GRIK1: variants seen among roughly 807,000 people sequenced by gnomAD.
GRIK1 encodes glutamate receptor ionotropic, kainate 1.
In GRIK1, 69 loss-of-function variants were observed where a neutral mutation model predicts 105.7. The observed-to-expected ratio is 0.65, with a 90% CI of 0.54 to 0.80. The LOEUF (loss-of-function observed/expected upper bound fraction) is 0.80, where lower values mean the gene tolerates loss of function less well. Ranked by LOEUF, GRIK1 falls within the 30% of genes least tolerant of loss-of-function variation. The probability of loss-of-function intolerance (pLI) is 0.00; values close to 1 mark genes in which losing one functional copy is unlikely to be tolerated. For synonymous variants in GRIK1, 438 were observed against 431.3 expected (o/e 1.02, Z -0.19); for missense variants, 1,109 against 1,167.3 (o/e 0.95, Z 0.73).
intron 1 of GRIK1, among the ~76,000 whole-genome samples, chr21:29,894,395 T>C (rs1417347698): frequency 6.6e-6 from 1 of 151,860 alleles, no homozygotes; most frequent in Admixed American, 6.6e-5. Flanking sequence ...GCTGAAGAAA[T>C]TGGAGTCTGA....
intron 1 of GRIK1, among the ~76,000 whole-genome samples, chr21:29,743,266 A>G (rs1047662464): frequency 6.6e-6 from 1 of 152,228 alleles, no homozygotes; most frequent in Non-Finnish European, 1.5e-5. Flanking sequence ...CTCATGCTTT[A>G]AAAAATTTCA....
chr21:29,888,165 C>CTT (rs1427987197), intron 1 of GRIK1, among the ~76,000 whole-genome samples: 5 of 4,482 alleles, frequency 1.1e-3, no homozygotes, highest in Non-Finnish European at 4.4e-3. Flanking sequence ...TTTCTTTTTT[C>CTT]TTTCTTTCTT....
chr21:29,721,910 A>G (rs571855327), intron 1 of GRIK1, among the ~76,000 whole-genome samples: 2 of 152,298 alleles, frequency 1.3e-5, no homozygotes, highest in Admixed American at 6.5e-5. Context: ...AAGGAATGCA[A>G]TAGACAAAGC....
intron 1 of GRIK1, among the ~76,000 whole-genome samples, chr21:29,817,474 G>A (rs1263369848): frequency 6.6e-6 from 1 of 152,026 alleles, no homozygotes; most frequent in East Asian, 1.9e-4. Flanking sequence ...CTTGCAAGAG[G>A]TAGAACATAC....
intron 1 of GRIK1, among the ~76,000 whole-genome samples, chr21:29,898,533 T>C (rs932368500): frequency 1.3e-5 from 2 of 152,298 alleles, no homozygotes. Context: ...GAAACCAAAG[T>C]AGAAGATTCC....
chr21:29,816,434 T>A (rs2067156702), intron 1 of GRIK1, among the ~76,000 whole-genome samples: 1 of 152,110 alleles, frequency 6.6e-6, no homozygotes, highest in Non-Finnish European at 1.5e-5. Context: ...AATCCATCAA[T>A]CTCACTACCA....
In GRIK1 at chr21:29,593,304, C is replaced by A. The variant is rs560073899; in HGVS notation, c.1252-2079G>T. On this transcript the variant is annotated intron_variant, in intron 9 of 17. Transcript: ENST00000327783. ...AGCTGTACTCTTAATAACCATCCAA[C>A]GTTTCCAGGATCTAGTGTGATAAAT... 5.3e-5 allele frequency among the ~76,000 whole-genome samples: 8 copies of A among 152,112 alleles called. No individual in the cohort carries two copies. In the South Asian group the frequency reaches 1.0e-3, roughly 20 times the overall value.
intron 7 of GRIK1, among the ~76,000 whole-genome samples, chr21:29,629,104 G>C (rs1385747875): frequency 6.6e-6 from 1 of 152,044 alleles, no homozygotes; most frequent in Non-Finnish European, 1.5e-5. Flanking sequence ...TGGAGAGGTA[G>C]ACACATAGAA....
chr21:29,812,893 A>G (rs1000832133), intron 1 of GRIK1, among the ~76,000 whole-genome samples: 7 of 152,196 alleles, frequency 4.6e-5, no homozygotes, highest in Admixed American at 3.3e-4. Flanking sequence ...TAAGCATTTC[A>G]TTCTTTGCAA....
At chr21:29,908,548 C>A (rs905230606) in intron 1 of GRIK1, among the ~76,000 whole-genome samples, 1 of 152,144 alleles carries the variant, frequency 6.6e-6, no homozygotes, top group African/African-American at 2.4e-5. Context: ...ATTAACCAGG[C>A]ATATTCTTCA....
intron 1 of GRIK1, among the ~76,000 whole-genome samples, chr21:29,780,672 T>C (rs2066070353): frequency 6.6e-6 from 1 of 152,214 alleles, no homozygotes; most frequent in Non-Finnish European, 1.5e-5. Context: ...AGCATCATTT[T>C]ATCACTTGAT....
At chr21:29,542,679 C>T (rs2089990418) in intron 16 of GRIK1, among the ~76,000 whole-genome samples, 1 of 152,218 alleles carries the variant, frequency 6.6e-6, no homozygotes, top group Non-Finnish European at 1.5e-5. Flanking sequence ...AGCATTTATA[C>T]ATTCACATCT....
intron 1 of GRIK1, among the ~76,000 whole-genome samples, chr21:29,715,882 A>G (rs1387785557): frequency 6.6e-6 from 1 of 152,086 alleles, no homozygotes; most frequent in East Asian, 1.9e-4. Flanking sequence ...ACATTACTTT[A>G]CAAGATAGAT....
rs150685047 is a variant in GRIK1, at chr21:29,549,459, C to G, written c.2607+5593G>C. Among the ~76,000 whole-genome samples the G allele has an allele frequency of 8.3e-3, 1,264 of 152,232 alleles. 19 individuals are homozygous for G. The highest frequency in any genetic ancestry group is 0.029 in the African/African-American group (1,207 of 41,538). ...GACTTAATTTGGGAAAAAACTGCTA[C>G]GTTCAAGCTAATTTTTATGAAAACT... On this transcript the variant is annotated intron_variant, in intron 16 of 17. Coordinates refer to ENST00000327783, the MANE Select transcript of GRIK1 (RefSeq NM_001330994.2).
At chr21:29,720,952 A>C (rs1009925575) in intron 1 of GRIK1, among the ~76,000 whole-genome samples, 3 of 152,000 alleles carry the variant, frequency 2.0e-5, no homozygotes, top group African/African-American at 4.8e-5. Flanking sequence ...AGGTAAGATT[A>C]AACTCCTATC....
intron 1 of GRIK1, among the ~76,000 whole-genome samples, chr21:29,817,150 G>A (rs1206480472): frequency 6.6e-6 from 1 of 152,048 alleles, no homozygotes; most frequent in Non-Finnish European, 1.5e-5. Context: ...CACATTGGAA[G>A]GGCACAGGAG....
intron 1 of GRIK1, among the ~76,000 whole-genome samples, chr21:29,904,090 C>T (rs1033289112): frequency 6.6e-6 from 1 of 152,102 alleles, no homozygotes; most frequent in East Asian, 1.9e-4. Flanking sequence ...CACATGGACA[C>T]AGGGAGGGGA....
chr21:29,899,632 C>G (rs2070318398), intron 1 of GRIK1, among the ~76,000 whole-genome samples: 1 of 151,376 alleles, frequency 6.6e-6, no homozygotes, highest in African/African-American at 2.4e-5. Context: ...TTTTTAATCT[C>G]TTAGGACAAA....
chr21:29,915,139 C>T (rs919184304), intron 1 of GRIK1, among the ~76,000 whole-genome samples: 41 of 151,690 alleles, frequency 2.7e-4, no homozygotes, highest in African/African-American at 9.2e-4. Context: ...ATTTTCAATC[C>T]ATCTATTCTG....
Sources: allele counts gnomAD v4.1 joint callset (sites outside exome capture counted in the v4.1 genomes callset), GRCh38; gene constraint gnomAD v4.1.1; transcripts MANE v1.5; gene names NCBI Gene and HGNC (gene_info 2026-07-23, HGNC 2026-07-21).